Variants in WNT7B observed in about 807,000 individuals in gnomAD.
The protein encoded by WNT7B is protein Wnt-7b.
A neutral mutation model predicts 38.2 loss-of-function variants in WNT7B; 19 were observed. The ratio of observed to expected loss-of-function variants is 0.50; its 90% CI spans 0.35 to 0.73. WNT7B has a LOEUF of 0.73. WNT7B is among the 30% of genes least tolerant of loss of function. The probability of loss-of-function intolerance (pLI) is 0.01; values close to 1 mark genes in which losing one functional copy is unlikely to be tolerated. For synonymous variants in WNT7B, 243 were observed against 209.3 expected, an observed-to-expected ratio of 1.16 and a Z score of -1.39; for missense variants, 423 against 507.9, an observed-to-expected ratio of 0.83 and a Z score of 1.61.
chr22:45,924,612 A>T (rs1225489510), intron 3 of WNT7B, among the ~76,000 whole-genome samples: 1 of 152,286 alleles, frequency 6.6e-6, no homozygotes, highest in Non-Finnish European at 1.5e-5. Context: ...ACCACTGAGC[A>T]TGAAGGAAAA....
chr22:45,935,781 G>A (rs1014836230), intron 2 of WNT7B: 34 of 979,072 alleles, frequency 3.5e-5, no homozygotes, highest in South Asian at 4.7e-5. Context: ...TGGGAAAACC[G>A]AGCCTTCAAA....
At chr22:45,953,987 C>T (rs1932000350) in intron 1 of WNT7B, among the ~76,000 whole-genome samples, 1 of 152,122 alleles carries the variant, frequency 6.6e-6, no homozygotes, top group South Asian at 2.1e-4. Flanking sequence ...TTCACAATAG[C>T]CAAACGCTGG....
chr22:45,949,686 C>A (rs916346558), intron 2 of WNT7B, among the ~76,000 whole-genome samples: 3 of 152,280 alleles, frequency 2.0e-5, no homozygotes, highest in Non-Finnish European at 4.4e-5. Context: ...CAGCCCCGAG[C>A]AAGGACCTTC....
intron 3 of WNT7B, among the ~76,000 whole-genome samples, chr22:45,930,078 C>T (rs77939534): frequency 0.026 from 3,934 of 150,418 alleles, 74 homozygotes; most frequent in Non-Finnish European, 0.041. Context: ...CCAGGCCCTA[C>T]TTGCTTCCCA....
chr22:45,976,377 G>C lies in WNT7B; in HGVS notation c.71+307C>G, dbSNP rs1399300386. Among the ~76,000 whole-genome samples, 1 of 151,266 alleles carries C rather than the reference G, an allele frequency of 6.6e-6. No homozygotes were observed. The highest frequency in any genetic ancestry group is 2.4e-5 in the African/African-American group (1 of 41,272). On this transcript the variant is annotated intron_variant, in intron 1 of 3. Coordinates refer to ENST00000339464, the MANE Select transcript of WNT7B (RefSeq NM_058238.3). This position sits in a 1 kb window ranked among gnomAD's most constrained non-coding sequence, Gnocchi z 8.5. ...GAGGGAAGGCGCGTCCCACCCCCGG[G>C]GCCTGGAGCCCAAACAGGTGAAAGT...
chr22:45,943,370 C>T (rs78059489), intron 2 of WNT7B, among the ~76,000 whole-genome samples: 1,912 of 152,376 alleles, frequency 0.013, 46 homozygotes, highest in African/African-American at 0.044. Flanking sequence ...GCCTTTGTTC[C>T]GACCCAGCGG....
intron 1 of WNT7B, among the ~76,000 whole-genome samples, chr22:45,956,151 G>A (rs1415509890): frequency 6.6e-6 from 1 of 152,200 alleles, no homozygotes; most frequent in Non-Finnish European, 1.5e-5. Context: ...CAGCCCCACA[G>A]CCCTGGGGTG....
chr22:45,944,235 C>T (rs1279061758), intron 2 of WNT7B, among the ~76,000 whole-genome samples: 1 of 152,252 alleles, frequency 6.6e-6, no homozygotes, highest in Admixed American at 6.5e-5. Context: ...AAATTCCCAA[C>T]TTGCATGAGT....
intron 2 of WNT7B, among the ~76,000 whole-genome samples, chr22:45,945,892 C>T (rs536853697): frequency 3.3e-5 from 5 of 152,368 alleles, no homozygotes; most frequent in African/African-American, 4.8e-5. Context: ...TGTCCCGGGC[C>T]GCTCACGTGA....
chr22:45,938,913 T>A, intron 2 of WNT7B, among the ~76,000 whole-genome samples: 1 of 152,172 alleles, frequency 6.6e-6, no homozygotes, highest in East Asian at 1.9e-4. Context: ...TAATTTTCAA[T>A]CAAAAAATAA....
At chr22:45,942,250 C>T (rs1931667667) in intron 2 of WNT7B, among the ~76,000 whole-genome samples, 1 of 152,200 alleles carries the variant, frequency 6.6e-6, no homozygotes, top group Non-Finnish European at 1.5e-5. Context: ...CTAGACAGGA[C>T]TCAAAGTGGC....
At chr22:45,931,453 C>T (rs2146713729) in intron 2 of WNT7B, 84 bp from the exon 3 acceptor site, 3 of 1,428,644 alleles carry the variant, frequency 2.1e-6, no homozygotes, top group South Asian at 1.4e-5. Flanking sequence ...GGCCTCGATC[C>T]ACCTGCTGTT....
chr22:45,926,622 C>T, intron 3 of WNT7B: 2 of 985,424 alleles, frequency 2.0e-6, no homozygotes, highest in Non-Finnish European at 2.4e-6. Context: ...TGGATCCTGG[C>T]CATGGCCTGC....
intron 3 of WNT7B, among the ~76,000 whole-genome samples, chr22:45,924,146 C>T (rs967753658): frequency 1.9e-4 from 29 of 152,228 alleles, no homozygotes; most frequent in Admixed American, 1.8e-3. Flanking sequence ...TGGCGCCCCA[C>T]GGCTGCAGAG....
chr22:45,939,574 C>T (rs1931591839), intron 2 of WNT7B, among the ~76,000 whole-genome samples: 1 of 151,864 alleles, frequency 6.6e-6, no homozygotes, highest in South Asian at 2.1e-4. Context: ...TGGGCGGATG[C>T]CTTAAGCCCA....
intron 1 of WNT7B, among the ~76,000 whole-genome samples, chr22:45,973,034 G>T (rs1416690922): frequency 6.6e-6 from 1 of 152,252 alleles, no homozygotes; most frequent in Non-Finnish European, 1.5e-5. Context: ...CCAGCCTTGT[G>T]CTGGTGCTGA....
intron 2 of WNT7B, among the ~76,000 whole-genome samples, chr22:45,933,035 C>T (rs755909655): frequency 2.4e-4 from 37 of 152,222 alleles, no homozygotes; most frequent in Non-Finnish European, 3.2e-4. Flanking sequence ...TCTGGGGCCA[C>T]TTCCTTGCCC....
At chr22:45,934,567 C>A (rs1196544128) in intron 2 of WNT7B, among the ~76,000 whole-genome samples, 1 of 152,186 alleles carries the variant, frequency 6.6e-6, no homozygotes, top group Non-Finnish European at 1.5e-5. Flanking sequence ...TCTTCCTGCC[C>A]CATAGGAAGG....
At position 45,966,219 on chromosome 22, in the gene WNT7B, C is replaced by T. The variant is rs546923047; in HGVS notation, c.71+10465G>A. On this transcript the variant is annotated intron_variant, in intron 1 of 3. Transcript: ENST00000339464. The surrounding 1 kb of genome is among the most constrained non-coding windows in gnomAD (Gnocchi z 4.2). ...AATGCCTCATCCTGTGTCCCCCAGG[C>T]GGGGGTCTGCAGGGCAGGCAGTGCA... Among the ~76,000 whole-genome samples the T allele has an allele frequency of 1.8e-4, 28 of 152,196 alleles. No homozygotes were observed. The highest frequency in any genetic ancestry group is 4.0e-4 in the Non-Finnish European group (27 of 68,018).
Sources: gnomAD v4.1 joint callset for allele counts (sites outside exome capture counted in the v4.1 genomes callset) on GRCh38, gnomAD v4.1.1 for gene constraint, Gnocchi (gnomAD v3.1) non-coding constraint, MANE v1.5 for transcripts, NCBI Gene and HGNC (gene_info 2026-07-23, HGNC 2026-07-21) for gene names.